The following DSCAML1 variants were observed in gnomAD, a reference collection of about 807,000 sequenced individuals.
DSCAML1 encodes the protein cell adhesion molecule DSCAML1.
A neutral mutation model predicts 200.5 loss-of-function variants in DSCAML1; 38 were observed. That is an observed-to-expected ratio of 0.19 (90% confidence interval 0.15 to 0.25). The LOEUF is 0.25. Ranked by LOEUF, DSCAML1 falls within the 10% of genes least tolerant of loss-of-function variation. The pLI is 1.00. For missense variants in DSCAML1, 2,223 were observed against 2,858.8 expected (o/e 0.78, Z 5.07); for synonymous variants, 1,215 against 1,165.0 (o/e 1.04, Z -0.87).
intron 31 of DSCAML1, 133 bp downstream of exon 31, chr11:117,431,401 G>A: frequency 1.2e-6 from 1 of 823,930 alleles, no homozygotes; most frequent in Non-Finnish European, 1.8e-6. Context: ...TCAGTGACCA[G>A]CTAGACATGA....
rs2049099346 is a variant in DSCAML1, at chr11:117,487,510, G to C, written c.2360-5348C>G. 2.0e-5 allele frequency among the ~76,000 whole-genome samples: 3 copies of C among 152,272 alleles called. No homozygotes were observed. The South Asian group carries it at 6.2e-4, about 32-fold the overall frequency. On this transcript the variant is annotated intron_variant, in intron 11 of 32. Transcript: ENST00000651296. ...GTAAGCAGAAGAGCATCTTAAAAGA[G>C]GATGGGTTGCAGAGGGCAGTACTGA...
chr11:117,797,205 C>G lies in DSCAML1; in HGVS notation c.-126G>C. The G allele has an allele frequency of 6.6e-7, 1 of 1,511,938 alleles. No individual in the cohort carries two copies. 93.7% of individuals were successfully genotyped at this position (1,511,938 alleles called of 1,614,324 possible). A position where few individuals can be genotyped will look rare whatever the true frequency, so the allele number is the denominator to read the frequency against. On this transcript the variant is annotated 5_prime_UTR_variant, in exon 1 of 33. Coordinates refer to ENST00000651296, the MANE Select transcript of DSCAML1 (RefSeq NM_020693.4). ...GCCCCGCTCTCTCTGCTCCTCAGCC[C>G]AGCGCTCGGCTGCGGCGGCGGCTCC...
Position 117,504,916 on chromosome 11 carries a change from G to T in DSCAML1, c.2182+8C>A. 3 of 1,599,520 alleles carry T rather than the reference G, an allele frequency of 1.9e-6. No homozygotes were observed. The highest frequency in any genetic ancestry group is 2.6e-6 in the Non-Finnish European group (3 of 1,170,620). The stretch of plus-strand genomic sequence containing the variant: ...TTCTTGGAGATTCTGGCTGGGCCAG[G>T]GGCTTACCCTTGGCATGCTTCCACA... On this transcript the variant is annotated splice_region_variant and intron_variant, in intron 10 of 32. Transcript: ENST00000651296. The surrounding 1 kb of genome is among the most constrained non-coding windows in gnomAD (Gnocchi z 5.0).
intron 3 of DSCAML1, among the ~76,000 whole-genome samples, chr11:117,704,485 A>C (rs1222233910): frequency 6.6e-6 from 1 of 152,158 alleles, no homozygotes; most frequent in Non-Finnish European, 1.5e-5. Context: ...GGCAAAATTG[A>C]AGTCTGGAAA....
At chr11:117,586,539 TGTTCTCA>T (rs1366563622) in intron 3 of DSCAML1, among the ~76,000 whole-genome samples, 1 of 152,216 alleles carries the variant, frequency 6.6e-6, no homozygotes. Context: ...CAGCTCTCTC[TGTTCTCA>T]GTTCTCAAGT....
At chr11:117,578,625 G>A (rs1341362958) in intron 3 of DSCAML1, among the ~76,000 whole-genome samples, 6 of 152,086 alleles carry the variant, frequency 3.9e-5, no homozygotes, top group African/African-American at 1.2e-4. Context: ...AGCTATGATG[G>A]CACCACTGCA....
In DSCAML1 at chr11:117,797,014, G is replaced by T; in HGVS notation, c.46+20C>A. 7.0e-7 allele frequency: 1 copy of T among 1,422,072 alleles called. No homozygotes were observed. The allele number at this position is 1,422,072 out of a possible 1,614,324, so 88.1% of individuals were successfully genotyped here. A position where few individuals can be genotyped will look rare whatever the true frequency, so the allele number is the denominator to read the frequency against. On this transcript the variant is annotated intron_variant, in intron 1 of 32. Transcript: ENST00000651296. The stretch of plus-strand genomic sequence containing the variant: ...CTGGCCCCGCCGCCTCCGCCGCCCA[G>T]CCGCCCGCGCAGGTCTCACCTTTGT...
At chr11:117,538,633 C>T (rs534338061) in intron 3 of DSCAML1, among the ~76,000 whole-genome samples, 16 of 152,228 alleles carry the variant, frequency 1.1e-4, no homozygotes, top group East Asian at 5.8e-4. Context: ...GCTGGGCTTT[C>T]GAGACTCCCT....
intron 21 of DSCAML1, among the ~76,000 whole-genome samples, chr11:117,442,491 A>G (rs574117106): frequency 1.3e-5 from 2 of 151,464 alleles, no homozygotes; most frequent in African/African-American, 4.9e-5. Context: ...GCGTGTGCAC[A>G]TGTATGAGTG....
chr11:117,812,502 T>C (rs925294873), intron 1 of DSCAML1, among the ~76,000 whole-genome samples: 7 of 151,956 alleles, frequency 4.6e-5, no homozygotes, highest in African/African-American at 1.5e-4. Context: ...CAATCCATTA[T>C]TCTGTTCTGG....
chr11:117,727,198 T>C (rs2054146889), intron 3 of DSCAML1, among the ~76,000 whole-genome samples: 1 of 152,176 alleles, frequency 6.6e-6, no homozygotes, highest in South Asian at 2.1e-4. Flanking sequence ...AAGCTGGGAT[T>C]TGAATCCTGG....
chr11:117,458,651 G>T, intron 19 of DSCAML1, 103 bp downstream of exon 19: 1 of 1,433,106 alleles, frequency 7.0e-7, no homozygotes, highest in Non-Finnish European at 9.4e-7. Flanking sequence ...TGAAGGCCAG[G>T]AGAAAGGACA....
At chr11:117,449,709 C>T (rs2137115185) in intron 20 of DSCAML1, among the ~76,000 whole-genome samples, 1 of 152,306 alleles carries the variant, frequency 6.6e-6, no homozygotes. Flanking sequence ...CTCTGCCATC[C>T]ACCTCCACTA....
Position 117,504,802 on chromosome 11 carries a change from G to T in DSCAML1, c.2182+122C>A. ...GTAGCCTGGGGTCCACTGGGGTGCAGACCAGAGGACTCCCATCCAGGGATA... is the reference window on the plus strand; with the variant it reads ...GTAGCCTGGGGTCCACTGGGGTGCATACCAGAGGACTCCCATCCAGGGATA... On this transcript the variant is annotated intron_variant, in intron 10 of 32. Transcript: ENST00000651296. This position sits in a 1 kb window ranked among gnomAD's most constrained non-coding sequence, Gnocchi z 5.0. The T allele has an allele frequency of 7.4e-7, 1 of 1,359,078 alleles. No individual in the cohort carries two copies. Among genetic ancestry groups the T allele is most frequent in the Non-Finnish European group, 9.7e-7 (1 of 1,033,814 alleles). The allele number at this position is 1,359,078 out of a possible 1,614,324, so 84.2% of individuals were successfully genotyped here.
intron 3 of DSCAML1, among the ~76,000 whole-genome samples, chr11:117,697,251 AG>A (rs2053600083): frequency 6.6e-6 from 1 of 152,172 alleles, no homozygotes; most frequent in South Asian, 2.1e-4. Context: ...TTCTTTTGTA[AG>A]GGTTCCCTTT....
chr11:117,759,457 C>T (rs1423916989), intron 3 of DSCAML1, among the ~76,000 whole-genome samples: 1 of 152,218 alleles, frequency 6.6e-6, no homozygotes, highest in Non-Finnish European at 1.5e-5. Flanking sequence ...TGAGGGGGGC[C>T]TCGTCCCCAG....
At chr11:117,815,207 G>A (rs1477139942) in intron 1 of DSCAML1, among the ~76,000 whole-genome samples, 1 of 152,194 alleles carries the variant, frequency 6.6e-6, no homozygotes, top group Non-Finnish European at 1.5e-5. Context: ...CAAGGGGCGG[G>A]AGGGAACAAG....
At chr11:117,486,670 T>C (rs2049074034) in intron 11 of DSCAML1, among the ~76,000 whole-genome samples, 1 of 152,034 alleles carries the variant, frequency 6.6e-6, no homozygotes, top group Non-Finnish European at 1.5e-5. Flanking sequence ...GTTCAGAAAA[T>C]ACACGTGTAC....
At chr11:117,647,238 C>T (rs973958687) in intron 3 of DSCAML1, among the ~76,000 whole-genome samples, 2 of 152,230 alleles carry the variant, frequency 1.3e-5, no homozygotes, top group Non-Finnish European at 2.9e-5. Flanking sequence ...GAGCCCTTCC[C>T]ATTCCCTTGC....
Sources: gnomAD v4.1 joint callset for allele counts (sites outside exome capture counted in the v4.1 genomes callset) on GRCh38, gnomAD v4.1.1 for gene constraint, Gnocchi (gnomAD v3.1) non-coding constraint, MANE v1.5 for transcripts, NCBI Gene and HGNC (gene_info 2026-07-23, HGNC 2026-07-21) for gene names.